RRN3: variants seen among roughly 807,000 people sequenced by gnomAD.
The protein encoded by RRN3 is RNA polymerase I-specific transcription initiation factor RRN3.
A neutral mutation model predicts 82.3 loss-of-function variants in RRN3; 38 were observed. The observed-to-expected ratio is 0.46, with a 90% confidence interval of 0.36 to 0.61. The LOEUF is 0.61. Ranked by LOEUF, RRN3 falls within the 20% of genes least tolerant of loss-of-function variation. The pLI is 0.00. For synonymous variants in RRN3, 284 were observed against 284.3 expected (o/e 1.00, Z 0.01); for missense variants, 726 against 793.1 (o/e 0.92, Z 1.02).
chr16:15,063,115 C>T (rs1370812738), intron 17 of RRN3, 81 bp downstream of exon 17: 27 of 1,091,922 alleles, frequency 2.5e-5, no homozygotes, highest in South Asian at 2.4e-4. Context: ...CACGCACGAA[C>T]GACTTGCCAC....
chr16:15,066,543 G>C (rs1460303204), intron 15 of RRN3, among the ~76,000 whole-genome samples: 11 of 151,666 alleles, frequency 7.3e-5, no homozygotes, highest in Admixed American at 7.2e-4. Context: ...TGAGGCAGGA[G>C]AACTGCATGA....
intron 8 of RRN3, among the ~76,000 whole-genome samples, chr16:15,080,903 A>T (rs1188235395): frequency 6.6e-6 from 1 of 151,796 alleles, no homozygotes; most frequent in African/African-American, 2.4e-5. Context: ...CATGTAAACC[A>T]TTCCTCTCAT....
chr16:15,094,287 A>G (rs2046267987), upstream of RRN3: 3 of 1,405,474 alleles, frequency 2.1e-6, no homozygotes, highest in Non-Finnish European at 2.9e-6. Context: ...AGCTCCTTCC[A>G]GCCACAGCCT....
At chr16:15,074,662 T>C (rs1348081181) in intron 11 of RRN3, 61 bp downstream of exon 11, 17 of 1,279,076 alleles carry the variant, frequency 1.3e-5, no homozygotes, top group Non-Finnish European at 1.6e-5. Context: ...GGATGGAAAA[T>C]GCCCAGCACA....
At chr16:15,067,202 G>A (rs1258433936) in intron 15 of RRN3, among the ~76,000 whole-genome samples, 1 of 152,006 alleles carries the variant, frequency 6.6e-6, no homozygotes, top group African/African-American at 2.4e-5. Context: ...TCAGCAAGCT[G>A]TTGGCTCTTA....
At chr16:15,075,954 A>G (rs2045435921) in intron 10 of RRN3, among the ~76,000 whole-genome samples, 1 of 152,250 alleles carries the variant, frequency 6.6e-6, no homozygotes, top group South Asian at 2.1e-4. Context: ...TCCCCCTTAG[A>G]ACCAATGACT....
chr16:15,071,249 T>A lies in RRN3; in HGVS notation c.1131A>T (p.Gly377=), dbSNP rs2151776011. The A allele has an allele frequency of 6.2e-7, 1 of 1,607,392 alleles. No homozygotes were observed. The highest frequency in any genetic ancestry group is 1.1e-5 in the South Asian group (1 of 89,924). Residue 377 remains glycine, a splice_region_variant and synonymous_variant, in exon 13 of 18, where the codon GGA becomes GGT. Coordinates refer to ENST00000198767, the MANE Select transcript of RRN3 (RefSeq NM_018427.5). ...GATGTTCCAAAAATGCCTCTGCGAA[T>A]CCCTATAAAAAGAGAGGGCGTCGGT... is the stretch of plus-strand genomic sequence containing the variant. ...FMFYLCSFKL[G]FAEAFLEHLW...
chr16:15,060,954 A>G lies in RRN3; in HGVS notation c.*790T>C, dbSNP rs1439692042. ...GAGCCAAGGGGTCAAATCCAATCTC[A>G]TGTGTTTTACACAAGCCCGAACTCA... On this transcript the variant is annotated 3_prime_UTR_variant, in exon 18 of 18. Transcript: ENST00000198767. The G allele has an allele frequency of 6.6e-6, 1 of 152,236 alleles. No homozygotes were observed. Among genetic ancestry groups the G allele is most frequent in the African/African-American group, 2.4e-5 (1 of 41,462 alleles). The allele number at this position is 152,236 out of a possible 1,614,324, so 9.4% of individuals were successfully genotyped here.
chr16:15,077,406 C>G (rs1291689175), intron 9 of RRN3, among the ~76,000 whole-genome samples: 1 of 152,034 alleles, frequency 6.6e-6, no homozygotes, highest in Non-Finnish European at 1.5e-5. Flanking sequence ...GAATAAGTCT[C>G]AAGAGATCTG....
intron 16 of RRN3, 33 bp from the exon 17 acceptor site, chr16:15,063,316 T>C (rs772399758): frequency 6.6e-7 from 1 of 1,507,982 alleles, no homozygotes; most frequent in Non-Finnish European, 9.2e-7. Context: ...AAAGTCAAGT[T>C]AAATACTTCG....
intron 3 of RRN3, among the ~76,000 whole-genome samples, chr16:15,090,280 G>A (rs1004305330): frequency 1.3e-5 from 2 of 152,126 alleles, no homozygotes; most frequent in African/African-American, 4.8e-5. Context: ...AATTACTACA[G>A]TGATAAGAAC....
At chr16:15,065,468 G>T in intron 15 of RRN3, 97 bp from the exon 16 acceptor site, 1 of 964,150 alleles carries the variant, frequency 1.0e-6, no homozygotes, top group Non-Finnish European at 1.5e-6. Context: ...CTACCACAGA[G>T]AAATTGCTGA....
At chr16:15,073,536 C>T (rs1305952053) in intron 11 of RRN3, among the ~76,000 whole-genome samples, 1 of 152,136 alleles carries the variant, frequency 6.6e-6, no homozygotes, top group Non-Finnish European at 1.5e-5. Context: ...ACAGATTTTC[C>T]TCTGAATATA....
chr16:15,062,685 C>T (rs113856456), intron 17 of RRN3, among the ~76,000 whole-genome samples: 1,928 of 147,990 alleles, frequency 0.013, 13 homozygotes, highest in Middle Eastern at 0.038. Flanking sequence ...GGTAAGAATG[C>T]GCAAGTGGCA....
At chr16:15,072,079 G>A (rs2045256612) in intron 12 of RRN3, among the ~76,000 whole-genome samples, 1 of 152,092 alleles carries the variant, frequency 6.6e-6, no homozygotes, top group African/African-American at 2.4e-5. Context: ...TCTCACCAAA[G>A]GGTGTAACTT....
chr16:15,088,258 T>G (rs2045986626), intron 3 of RRN3, among the ~76,000 whole-genome samples: 1 of 152,150 alleles, frequency 6.6e-6, no homozygotes, highest in South Asian at 2.1e-4. Flanking sequence ...AGGAGACTGC[T>G]TGAGCCCAGG....
chr16:15,063,370 T>A (rs1567183449), intron 16 of RRN3, 87 bp from the exon 17 acceptor site: 5 of 975,410 alleles, frequency 5.1e-6, no homozygotes, highest in South Asian at 1.3e-5. Flanking sequence ...CAAGATCTAT[T>A]ACCCAAAACC....
Position 15,061,779 on chromosome 16 carries a change from G to A in RRN3, c.1921C>T (p.Pro641Ser), listed in dbSNP as rs760370682. The change falls in exon 18 of 18, where the codon CCA (proline) becomes TCA (serine). Residue 641 changes from proline to serine, a missense_variant. Physicochemically the swap from Pro to Ser is moderately conservative, Grantham distance 74. Around this residue, in one of 4 missense-constraint regions of RRN3, gnomAD observed 166 missense variants for 154.8 expected, o/e 1.07. Coordinates refer to ENST00000198767, the MANE Select transcript of RRN3 (RefSeq NM_018427.5). ...FRSPSSSVGS[P>S]PVLYMQPSPL ...CTGGGTTGCATGTACAACACGGGTG[G>A]GGAGCCCACACTACTTGAAGGACTT... 18 of 1,614,020 alleles carry A rather than the reference G, an allele frequency of 1.1e-5. No homozygotes were observed. Among genetic ancestry groups the A allele is most frequent in the Middle Eastern group, 1.7e-4 (1 of 6,056 alleles).
At chr16:15,077,908 T>C (rs1237593956) in intron 9 of RRN3, among the ~76,000 whole-genome samples, 1 of 152,166 alleles carries the variant, frequency 6.6e-6, no homozygotes, top group Admixed American at 6.5e-5. Flanking sequence ...AGTGTGAAAA[T>C]GGACTAATAC....
Sources: allele counts gnomAD v4.1 joint callset (sites outside exome capture counted in the v4.1 genomes callset), GRCh38; gene constraint gnomAD v4.1.1; regional missense constraint gnomAD v4.1.1; transcripts MANE v1.5; gene names NCBI Gene and HGNC (gene_info 2026-07-23, HGNC 2026-07-21).